TJP1: variants seen among roughly 807,000 people sequenced by gnomAD.
The protein encoded by TJP1 is tight junction protein 1, also known as tight junction protein ZO-1.
In TJP1, 43 loss-of-function variants were observed where a neutral mutation model predicts 194.2. That is an observed-to-expected ratio of 0.22 (90% confidence interval 0.17 to 0.29). TJP1 has a LOEUF of 0.29. TJP1 is among the 10% of genes least tolerant of loss of function. TJP1 has a pLI of 1.00. For synonymous variants in TJP1, 801 were observed against 779.0 expected (o/e 1.03, Z -0.47); for missense variants, 1,971 against 2,185.7 (o/e 0.90, Z 1.96).
intron 2 of TJP1, among the ~76,000 whole-genome samples, chr15:29,864,425 G>C (rs2052227849): frequency 6.6e-6 from 1 of 151,984 alleles, no homozygotes; most frequent in Admixed American, 6.6e-5. Flanking sequence ...AGTTCCTAGA[G>C]GGTGGGGACT....
At chr15:29,932,661 G>C (rs762965811) in intron 2 of TJP1, among the ~76,000 whole-genome samples, 1 of 151,964 alleles carries the variant, frequency 6.6e-6, no homozygotes, top group Non-Finnish European at 1.5e-5. Context: ...GAAAATAAAA[G>C]GTAAAATTAC....
chr15:29,762,900 G>C (rs2151543102), intron 5 of TJP1, among the ~76,000 whole-genome samples: 1 of 152,252 alleles, frequency 6.6e-6, no homozygotes, highest in South Asian at 2.1e-4. Flanking sequence ...ACTATGCCTG[G>C]CTAGAGATAT....
chr15:29,805,152 A>G (rs1317578718), intron 1 of TJP1, among the ~76,000 whole-genome samples: 1 of 152,200 alleles, frequency 6.6e-6, no homozygotes, highest in Non-Finnish European at 1.5e-5. Context: ...GTCAGCATCA[A>G]CTGACTAGAA....
chr15:29,788,518 T>C (rs1234268528), intron 2 of TJP1, among the ~76,000 whole-genome samples: 1 of 152,194 alleles, frequency 6.6e-6, no homozygotes, highest in Non-Finnish European at 1.5e-5. Context: ...ATTCATTATT[T>C]TGCATGTGGT....
At chr15:29,808,399 T>C (rs1160863836) in intron 1 of TJP1, among the ~76,000 whole-genome samples, 1 of 152,212 alleles carries the variant, frequency 6.6e-6, no homozygotes, top group Non-Finnish European at 1.5e-5. Context: ...TAAATGTTCT[T>C]CCTTGATCTG....
chr15:29,710,451 A>G (rs1050523277), intron 24 of TJP1, among the ~76,000 whole-genome samples: 2 of 152,222 alleles, frequency 1.3e-5, no homozygotes, highest in African/African-American at 4.8e-5. Flanking sequence ...TATGTGATCT[A>G]CCTGGTATGT....
chr15:29,753,947 C>T (rs2045476784), intron 8 of TJP1, among the ~76,000 whole-genome samples: 1 of 152,040 alleles, frequency 6.6e-6, no homozygotes, highest in South Asian at 2.1e-4. Flanking sequence ...AAGCACTTAT[C>T]AAATTGGAGT....
chr15:29,736,208 G>A (rs2044023830), intron 11 of TJP1, among the ~76,000 whole-genome samples: 1 of 152,212 alleles, frequency 6.6e-6, no homozygotes, highest in Admixed American at 6.5e-5. Context: ...TGGTGAAGGT[G>A]GAAGCCAGGC....
Position 29,708,972 on chromosome 15 carries a change from C to A in TJP1, c.4437G>T (p.Gln1479His), listed in dbSNP as rs1231353265. 1 of 1,614,142 alleles carries A rather than the reference C, an allele frequency of 6.2e-7. No individual in the cohort carries two copies. Among genetic ancestry groups the A allele is most frequent in the Non-Finnish European group, 8.5e-7 (1 of 1,180,028 alleles). Residue 1479 changes from glutamine (Q) to histidine (H), a missense_variant, in exon 25 of 28, where the codon CAG (glutamine) becomes CAT (histidine). By Grantham distance (24) the Gln-to-His change is conservative (BLOSUM62 0). Around this residue, in one of 5 missense-constraint regions of TJP1, gnomAD observed 1,108 missense variants for 1,128.5 expected, o/e 0.98. Transcript: ENST00000614355. ...LVSKPDPPPS[Q>H]NKPATFRPPN... ...GTGGTCTGAAAGTTGCTGGCTTATT[C>A]TGAGATGGAGGTGGGTCTGGTTTGG...
intron 23 of TJP1, among the ~76,000 whole-genome samples, chr15:29,716,061 C>G (rs2042544026): frequency 6.6e-6 from 1 of 152,074 alleles, no homozygotes. Flanking sequence ...AACACGAAAC[C>G]CAGGGATGAG....
At chr15:29,766,124 A>C in intron 5 of TJP1, 142 bp downstream of exon 5, 2 of 1,113,136 alleles carry the variant, frequency 1.8e-6, no homozygotes, top group Non-Finnish European at 2.5e-6. Flanking sequence ...GAAGCCTGCC[A>C]TAACAGGATT....
chr15:29,884,633 A>T (rs2053052732), intron 2 of TJP1, among the ~76,000 whole-genome samples: 1 of 152,244 alleles, frequency 6.6e-6, no homozygotes, highest in Non-Finnish European at 1.5e-5. Context: ...TCTGCAACGT[A>T]CAGCAATATT....
exon 1 of TJP1, chr15:29,968,864 C>A: frequency 1.9e-6 from 1 of 527,138 alleles, no homozygotes; most frequent in Non-Finnish European, 2.5e-6. Flanking sequence ...CCATCCGCCG[C>A]CACCACAGCT....
chr15:29,874,483 A>G (rs1398905515), intron 2 of TJP1, among the ~76,000 whole-genome samples: 1 of 152,192 alleles, frequency 6.6e-6, no homozygotes, highest in African/African-American at 2.4e-5. Context: ...TACAACAGAC[A>G]GCAGTCAGAG....
At position 29,800,490 on chromosome 15, in the gene TJP1, TAATAA is replaced by T. The variant is rs570611572; in HGVS notation, c.84+151_84+155del. 229 of 668,876 alleles carry T rather than the reference TAATAA, an allele frequency of 3.4e-4. No homozygotes were observed. In the African/African-American group the frequency reaches 3.9e-3, roughly 11 times the overall value. The allele number at this position is 668,876 out of a possible 1,614,324, so 41.4% of individuals were successfully genotyped here. A position where few individuals can be genotyped will look rare whatever the true frequency, so the allele number is the denominator to read the frequency against. Reference sequence around the variant, plus strand: ...AAGTAATCATGCTCACTTTTGACCTTAATAAAAAATTATTGTAACTCTAATTTTAA... The same window carrying T: ...AAGTAATCATGCTCACTTTTGACCTTAAAATTATTGTAACTCTAATTTTAA... On this transcript the variant is annotated intron_variant, in intron 2 of 27. Coordinates refer to ENST00000614355, the MANE Select transcript of TJP1 (RefSeq NM_001330239.4).
intron 2 of TJP1, among the ~76,000 whole-genome samples, chr15:29,933,228 T>C (rs2054778040): frequency 6.6e-6 from 1 of 152,184 alleles, no homozygotes; most frequent in African/African-American, 2.4e-5. Flanking sequence ...CAGTAGATGA[T>C]GCAAGCTAAT....
chr15:29,906,127 A>C (rs996593823), intron 2 of TJP1, among the ~76,000 whole-genome samples: 1 of 152,150 alleles, frequency 6.6e-6, no homozygotes, highest in Non-Finnish European at 1.5e-5. Context: ...GGGTATACAG[A>C]AACTCTCTGT....
chr15:29,828,612 T>A (rs1035896693), intron 2 of TJP1, among the ~76,000 whole-genome samples: 3 of 152,210 alleles, frequency 2.0e-5, no homozygotes, highest in African/African-American at 4.8e-5. Context: ...TCTTTTATAG[T>A]TTCACCTATC....
intron 2 of TJP1, among the ~76,000 whole-genome samples, chr15:29,885,662 G>A (rs1394440544): frequency 1.3e-5 from 2 of 152,198 alleles, no homozygotes; most frequent in Non-Finnish European, 2.9e-5. Flanking sequence ...AGAAAACAGA[G>A]AACTGACCTA....
Sources: gnomAD v4.1 joint callset for allele counts (sites outside exome capture counted in the v4.1 genomes callset) on GRCh38, gnomAD v4.1.1 for gene constraint, gnomAD v4.1.1 regional missense constraint, MANE v1.5 for transcripts, NCBI Gene and HGNC (gene_info 2026-07-23, HGNC 2026-07-21) for gene names.